Variants in FGF14 observed in about 807,000 individuals in gnomAD.
The protein encoded by FGF14 is fibroblast growth factor 14.
FGF14 carries 5 observed loss-of-function variants against 25.5 expected under a neutral mutation model. The observed-to-expected ratio is 0.20, with a 90% CI of 0.10 to 0.41. The LOEUF (loss-of-function observed/expected upper bound fraction) is 0.41, where lower values mean the gene tolerates loss of function less well. FGF14 is among the 10% of genes least tolerant of loss of function. The pLI, the probability that FGF14 is intolerant of heterozygous loss-of-function variation, is 1.00. For synonymous variants in FGF14, 138 were observed against 118.3 expected, an observed-to-expected ratio of 1.17 and a Z score of -1.08; for missense variants, 222 against 320.1, an observed-to-expected ratio of 0.69 and a Z score of 2.34.
At chr13:102,270,677 T>TAC (rs1170201865) in intron 1 of FGF14, among the ~76,000 whole-genome samples, 1 of 152,212 alleles carries the variant, frequency 6.6e-6, no homozygotes, top group Non-Finnish European at 1.5e-5. Flanking sequence ...ATATATATTG[T>TAC]ACATTGCATT....
At chr13:102,386,940 G>A (rs1329628606) in intron 1 of FGF14, among the ~76,000 whole-genome samples, 1 of 152,166 alleles carries the variant, frequency 6.6e-6, no homozygotes, top group African/African-American at 2.4e-5. Context: ...TAAAATGACA[G>A]AATTCAGGTT....
At chr13:102,311,357 C>A (rs1226188625) in intron 1 of FGF14, among the ~76,000 whole-genome samples, 1 of 152,136 alleles carries the variant, frequency 6.6e-6, no homozygotes. Flanking sequence ...AAGAAAATAT[C>A]TTTTCTATGT....
intron 1 of FGF14, among the ~76,000 whole-genome samples, chr13:102,034,730 T>C (rs1050589785): frequency 6.6e-6 from 1 of 152,152 alleles, no homozygotes; most frequent in Non-Finnish European, 1.5e-5. Flanking sequence ...ACCCTAGTCC[T>C]GGTCCTGCCC....
chr13:101,841,897 C>A (rs1289123847), intron 3 of FGF14, among the ~76,000 whole-genome samples: 1 of 151,932 alleles, frequency 6.6e-6, no homozygotes, highest in African/African-American at 2.4e-5. Flanking sequence ...TCCCCAGGAG[C>A]TCACCTTTTC....
intron 1 of FGF14, among the ~76,000 whole-genome samples, chr13:102,026,168 A>G (rs575284259): frequency 6.6e-6 from 1 of 152,058 alleles, no homozygotes; most frequent in South Asian, 2.1e-4. Flanking sequence ...AATTTTATCA[A>G]ATGCTTTTTC....
chr13:101,855,059 C>G (rs1253450614), intron 3 of FGF14, among the ~76,000 whole-genome samples: 1 of 152,006 alleles, frequency 6.6e-6, no homozygotes, highest in Non-Finnish European at 1.5e-5. Flanking sequence ...AATGCACACA[C>G]ACACACAACA....
At chr13:102,074,207 T>C (rs140460006) in intron 1 of FGF14, among the ~76,000 whole-genome samples, 16 of 152,196 alleles carry the variant, frequency 1.1e-4, no homozygotes, top group African/African-American at 3.9e-4. Flanking sequence ...AGAGATGGGG[T>C]CTCACTATGT....
intron 1 of FGF14, among the ~76,000 whole-genome samples, chr13:102,279,950 A>G (rs1209981405): frequency 6.6e-6 from 1 of 152,224 alleles, no homozygotes; most frequent in Non-Finnish European, 1.5e-5. Context: ...ATCTATTGGA[A>G]ACAGACTGAC....
chr13:101,916,382 C>T (rs1327759043), intron 1 of FGF14, 71 bp downstream of exon 1: 5 of 1,569,158 alleles, frequency 3.2e-6, no homozygotes, highest in Admixed American at 1.7e-5. Context: ...AGGGAAGGAG[C>T]CTGGAGAAGC....
chr13:101,838,726 A>T (rs994957246), intron 3 of FGF14, among the ~76,000 whole-genome samples: 1 of 152,088 alleles, frequency 6.6e-6, no homozygotes, highest in African/African-American at 2.4e-5. Context: ...TAGGCAGCTA[A>T]CTCAGGAAAA....
intron 1 of FGF14, among the ~76,000 whole-genome samples, chr13:102,237,583 C>CACA: frequency 2.5e-5 from 1 of 39,706 alleles, no homozygotes. Context: ...TTTTACACTT[C>CACA]AGAAAAAAAA....
chr13:101,740,559 A>G (rs562507646), intron 3 of FGF14, among the ~76,000 whole-genome samples: 37 of 152,264 alleles, frequency 2.4e-4, no homozygotes, highest in African/African-American at 8.7e-4. Context: ...GAGGGAACAG[A>G]GTGTCAAGCA....
chr13:102,236,055 C>G (rs1031420024), intron 1 of FGF14, among the ~76,000 whole-genome samples: 1 of 152,132 alleles, frequency 6.6e-6, no homozygotes, highest in African/African-American at 2.4e-5. Context: ...TTGTCAGGAA[C>G]CTTTGTAGTA....
intron 1 of FGF14, among the ~76,000 whole-genome samples, chr13:102,100,881 C>T (rs1306630239): frequency 6.6e-6 from 1 of 152,178 alleles, no homozygotes; most frequent in African/African-American, 2.4e-5. Flanking sequence ...GGGCAGATCA[C>T]CTGAGGTCAG....
At chr13:101,921,473 A>G (rs2034001406), upstream of FGF14, among the ~76,000 whole-genome samples, 2 of 152,184 alleles carry the variant, frequency 1.3e-5, no homozygotes, top group African/African-American at 2.4e-5. Flanking sequence ...TGAAAACTTT[A>G]GTATCATATT....
intron 3 of FGF14, among the ~76,000 whole-genome samples, chr13:101,766,302 C>G (rs1428768907): frequency 6.6e-6 from 1 of 152,180 alleles, no homozygotes; most frequent in Admixed American, 6.5e-5. Flanking sequence ...ACAACCTTCT[C>G]TTTTTCTTCC....
chr13:101,803,157 C>A (rs1443763946), intron 3 of FGF14, among the ~76,000 whole-genome samples: 1 of 144,418 alleles, frequency 6.9e-6, no homozygotes, highest in East Asian at 2.0e-4. Flanking sequence ...GAGACAAGGT[C>A]CTTCTCTGTC....
chr13:101,927,700 T>C (rs1299507140), intron 1 of FGF14, among the ~76,000 whole-genome samples: 1 of 152,164 alleles, frequency 6.6e-6, no homozygotes, highest in Non-Finnish European at 1.5e-5. Flanking sequence ...CATTCTACCC[T>C]CGGTGAGTCA....
chr13:102,349,387 C>G (rs564803587), intron 1 of FGF14, among the ~76,000 whole-genome samples: 1 of 152,270 alleles, frequency 6.6e-6, no homozygotes, highest in South Asian at 2.1e-4. Context: ...TGGCTTTTCT[C>G]AGGCGACACA....
Sources: allele counts gnomAD v4.1 joint callset (sites outside exome capture counted in the v4.1 genomes callset), GRCh38; gene constraint gnomAD v4.1.1; transcripts MANE v1.5; gene names NCBI Gene and HGNC (gene_info 2026-07-23, HGNC 2026-07-21).